The following NEBL variants were observed in gnomAD, a reference collection of about 807,000 sequenced individuals.
The protein encoded by NEBL is nebulette, also known as LIM and SH3 protein 2.
A neutral mutation model predicts 140.2 loss-of-function variants in NEBL; 122 were observed. That is an observed-to-expected ratio of 0.87 (90% CI 0.75 to 1.01). The LOEUF is 1.01. NEBL is among the 50% of genes least tolerant of loss of function. NEBL has a pLI of 0.00. For missense variants in NEBL, 1,365 were observed against 1,231.3 expected (o/e 1.11, Z -1.62); for synonymous variants, 436 against 398.9 (o/e 1.09, Z -1.11).
intron 3 of NEBL, among the ~76,000 whole-genome samples, chr10:21,231,764 C>T (rs1345639505): frequency 1.3e-5 from 2 of 152,068 alleles, no homozygotes; most frequent in Admixed American, 6.6e-5. Flanking sequence ...AAGGCATCAG[C>T]AGGAGGAGGT....
intron 3 of NEBL, among the ~76,000 whole-genome samples, chr10:21,192,716 G>A (rs530591240): frequency 6.2e-4 from 94 of 151,124 alleles, no homozygotes; most frequent in African/African-American, 2.1e-3. Context: ...ATGGTGGTGC[G>A]TGCCTGTAAT....
chr10:21,172,603 G>A lies in NEBL; in HGVS notation c.70-126C>T. ...CTGAAAATATTACAACAAAAAGAGT[G>A]TAGGGAACTGGGGATGTGTTTACCT... On this transcript the variant is annotated intron_variant, in intron 1 of 6. Transcript: ENST00000417816. 8 of 706,358 alleles carry A rather than the reference G, an allele frequency of 1.1e-5. No homozygotes were observed. The South Asian group carries it at 1.3e-4, about 12-fold the overall frequency. 43.8% of individuals were successfully genotyped at this position (706,358 alleles called of 1,614,324 possible).
At chr10:20,947,928 G>T (rs554676594) in intron 4 of NEBL, among the ~76,000 whole-genome samples, 20 of 152,256 alleles carry the variant, frequency 1.3e-4, no homozygotes, top group African/African-American at 4.8e-4. Flanking sequence ...TAGAGCAGGG[G>T]TGTCCAATCT....
At chr10:21,249,640 T>A (rs867975520) in intron 2 of NEBL, among the ~76,000 whole-genome samples, 13 of 150,752 alleles carry the variant, frequency 8.6e-5, no homozygotes, top group African/African-American at 2.9e-4. Flanking sequence ...TACTTTTAAA[T>A]TTATTTATTA....
chr10:21,029,277 G>T lies in NEBL; in HGVS notation c.165-9076C>A. ...TCAACTGGAGCTTTCTTCCCAAATC[G>T]CCACCCTACACTTCTTTTCTAGGGA... On this transcript the variant is annotated intron_variant, in intron 2 of 6. Coordinates refer to the NEBL transcript ENST00000417816. The T allele has an allele frequency of 3.8e-6, 6 of 1,599,748 alleles. No homozygotes were observed. In the South Asian group the frequency reaches 5.5e-5, roughly 15 times the overall value.
At chr10:21,197,776 C>T (rs1466476634) in intron 3 of NEBL, among the ~76,000 whole-genome samples, 1 of 152,194 alleles carries the variant, frequency 6.6e-6, no homozygotes, top group African/African-American at 2.4e-5. Context: ...CTTCCAGGTC[C>T]TACATACCAG....
chr10:20,975,465 G>T (rs1395443601), intron 3 of NEBL, among the ~76,000 whole-genome samples: 1 of 152,054 alleles, frequency 6.6e-6, no homozygotes, highest in Non-Finnish European at 1.5e-5. Context: ...GAAACCATCT[G>T]GTCCGAGTTT....
chr10:20,869,469 G>C (rs966561908), intron 6 of NEBL, among the ~76,000 whole-genome samples: 1 of 152,142 alleles, frequency 6.6e-6, no homozygotes, highest in African/African-American at 2.4e-5. Context: ...TTCAGGCTGA[G>C]ACATCTGAAT....
At chr10:20,887,132 G>A (rs1846593343) in intron 4 of NEBL, among the ~76,000 whole-genome samples, 1 of 152,180 alleles carries the variant, frequency 6.6e-6, no homozygotes, top group Non-Finnish European at 1.5e-5. Context: ...CATTTAGAAA[G>A]TCTGTTTTAG....
chr10:20,968,041 G>A (rs1483656612), intron 3 of NEBL, among the ~76,000 whole-genome samples: 1 of 152,096 alleles, frequency 6.6e-6, no homozygotes, highest in African/African-American at 2.4e-5. Flanking sequence ...TTTCGTAAAT[G>A]GCAGGTGAGC....
At chr10:20,873,462 C>A (rs758443245) in intron 5 of NEBL, among the ~76,000 whole-genome samples, 4 of 148,384 alleles carry the variant, frequency 2.7e-5, no homozygotes, top group Non-Finnish European at 6.0e-5. Context: ...AGAGAACAAA[C>A]AAGGAGGAGG....
chr10:20,802,590 C>G (rs1837220714), intron 26 of NEBL, among the ~76,000 whole-genome samples: 1 of 152,098 alleles, frequency 6.6e-6, no homozygotes, highest in Non-Finnish European at 1.5e-5. Context: ...GGGAAAATAT[C>G]ATGGAAAACA....
chr10:20,890,482 G>A (rs1208941199), intron 2 of NEBL, among the ~76,000 whole-genome samples: 3 of 152,192 alleles, frequency 2.0e-5, no homozygotes, highest in African/African-American at 2.4e-5. Flanking sequence ...TGTGGCCAAC[G>A]TGGGCTTCCT....
At chr10:21,243,988 GGAAAGGGAA>G (rs1200792020) in intron 3 of NEBL, among the ~76,000 whole-genome samples, 38 of 151,498 alleles carry the variant, frequency 2.5e-4, no homozygotes, top group South Asian at 4.2e-4. Context: ...AGGGAAGGAA[GGAAAGGGAA>G]GAAAGGGAAG....
chr10:20,956,690 T>G (rs1208826693), intron 4 of NEBL, among the ~76,000 whole-genome samples: 3 of 152,190 alleles, frequency 2.0e-5, no homozygotes, highest in African/African-American at 7.2e-5. Context: ...GTTATAAAAC[T>G]TCTGCTTTTT....
At chr10:20,834,482 A>G (rs117292765) in intron 14 of NEBL, among the ~76,000 whole-genome samples, 1 of 152,286 alleles carries the variant, frequency 6.6e-6, no homozygotes, top group Non-Finnish European at 1.5e-5. Flanking sequence ...TGGCAATCCC[A>G]TTTCCCTGGC....
At chr10:20,792,741 A>C (rs1168611627) in intron 26 of NEBL, among the ~76,000 whole-genome samples, 1 of 151,634 alleles carries the variant, frequency 6.6e-6, no homozygotes, top group Non-Finnish European at 1.5e-5. Context: ...AGGAGGTTGC[A>C]GTGAGCTGAG....
chr10:20,999,162 G>GAAA (rs1221089029), intron 3 of NEBL, among the ~76,000 whole-genome samples: 44 of 136,196 alleles, frequency 3.2e-4, no homozygotes, highest in African/African-American at 8.1e-4. Context: ...TGTGTGGGGG[G>GAAA]AAAAAAAAAA....
chr10:20,992,863 C>T lies in NEBL; in HGVS notation c.249+27254G>A, dbSNP rs367584888. On this transcript the variant is annotated intron_variant, in intron 3 of 6. Transcript: ENST00000417816. ...TGTGATCTCTGCTCACTGCAAGCTC[C>T]GCCTCCCAGGTTCATACCATTCTCC... is the stretch of plus-strand genomic sequence containing the variant. Among the ~76,000 whole-genome samples, 686 of 147,088 alleles carry T rather than the reference C, an allele frequency of 4.7e-3. 4 individuals carry two copies. Among genetic ancestry groups the T allele is most frequent in the African/African-American group, 0.016 (626 of 39,334 alleles).
Sources: gnomAD v4.1 joint callset for allele counts (sites outside exome capture counted in the v4.1 genomes callset) on GRCh38, gnomAD v4.1.1 for gene constraint, MANE v1.5 for transcripts, NCBI Gene and HGNC (gene_info 2026-07-23, HGNC 2026-07-21) for gene names.